The following DENND1B variants were observed in gnomAD, a reference collection of about 807,000 sequenced individuals.
DENND1B encodes DENN domain-containing protein 1B.
In DENND1B, 59 loss-of-function variants were observed where a neutral mutation model predicts 90.1. The observed-to-expected ratio is 0.65, with a 90% CI of 0.53 to 0.81. The LOEUF (loss-of-function observed/expected upper bound fraction) is 0.81. DENND1B is among the 40% of genes least tolerant of loss of function. The probability of loss-of-function intolerance (pLI) is 0.00; values close to 1 mark genes in which losing one functional copy is unlikely to be tolerated. For missense variants in DENND1B, 862 were observed against 912.6 expected (o/e 0.94, Z 0.71); for synonymous variants, 337 against 324.6 (o/e 1.04, Z -0.41).
intron 16 of DENND1B, among the ~76,000 whole-genome samples, chr1:197,550,635 G>C (rs1417919282): frequency 6.8e-6 from 1 of 146,168 alleles, no homozygotes; most frequent in Non-Finnish European, 1.5e-5. Context: ...ACACAGGAAG[G>C]GGAACATCAC....
At chr1:197,650,814 T>A (rs1181741365) in intron 7 of DENND1B, among the ~76,000 whole-genome samples, 1 of 152,102 alleles carries the variant, frequency 6.6e-6, no homozygotes, top group Non-Finnish European at 1.5e-5. Context: ...GGAGCTAAGC[T>A]ATGAGGACGC....
chr1:197,552,395 C>T, intron 16 of DENND1B: 1 of 985,406 alleles, frequency 1.0e-6, no homozygotes, highest in Non-Finnish European at 1.2e-6. Flanking sequence ...AGACTATACA[C>T]CACTACAATC....
chr1:197,520,550 A>G (rs555751371), intron 20 of DENND1B, among the ~76,000 whole-genome samples: 2 of 152,058 alleles, frequency 1.3e-5, no homozygotes, highest in East Asian at 3.9e-4. Flanking sequence ...CTGAGATCAA[A>G]TAAGAAGGTA....
In DENND1B at chr1:197,645,530, A is replaced by G. The variant is rs995283767; in HGVS notation, c.561+160T>C. 8.6e-5 allele frequency among the ~76,000 whole-genome samples: 13 copies of G among 152,012 alleles called. 1 individual carries two copies. Among genetic ancestry groups the G allele is most frequent in the Admixed American group, 7.9e-4 (12 of 15,264 alleles). ...AAGGGGCAGATATATAAAGAAGAAA[A>G]GAAAATAATATCTTTATTTCTTATT... On this transcript the variant is annotated intron_variant, in intron 9 of 22. Coordinates refer to ENST00000620048, the MANE Select transcript of DENND1B (RefSeq NM_001195215.2).
intron 14 of DENND1B, among the ~76,000 whole-genome samples, chr1:197,588,909 C>A (rs1331193576): frequency 6.6e-6 from 1 of 151,930 alleles, no homozygotes; most frequent in African/African-American, 2.4e-5. Context: ...TCAAAATATT[C>A]TATTTGTACA....
At chr1:197,583,096 T>A in intron 15 of DENND1B, 56 bp downstream of exon 15, 1 of 1,446,698 alleles carries the variant, frequency 6.9e-7, no homozygotes, top group Non-Finnish European at 9.7e-7. Flanking sequence ...GTAATACAAA[T>A]GTGTAAAACT....
chr1:197,672,182 A>G (rs1350418032), intron 4 of DENND1B, 26 bp from the exon 5 acceptor site: 3 of 1,569,310 alleles, frequency 1.9e-6, no homozygotes, highest in Admixed American at 1.9e-5. Flanking sequence ...ATTAGGAAAC[A>G]TTGTGCCTTG....
At chr1:197,624,816 G>A (rs1256446897) in intron 10 of DENND1B, among the ~76,000 whole-genome samples, 1 of 151,736 alleles carries the variant, frequency 6.6e-6, no homozygotes. Context: ...ACAGAGAAGT[G>A]CTTAAAGGAG....
chr1:197,696,880 A>T (rs1185299050), intron 3 of DENND1B, among the ~76,000 whole-genome samples: 1 of 150,350 alleles, frequency 6.7e-6, no homozygotes, highest in Non-Finnish European at 1.5e-5. Context: ...AGCCTAGGAG[A>T]GACAGAGACA....
At chr1:197,648,931 T>A (rs1028355925) in intron 7 of DENND1B, among the ~76,000 whole-genome samples, 1 of 152,216 alleles carries the variant, frequency 6.6e-6, no homozygotes, top group Non-Finnish European at 1.5e-5. Flanking sequence ...TATCCTTAGT[T>A]TTTTATCACC....
chr1:197,527,435 A>C (rs1375602775), intron 20 of DENND1B, among the ~76,000 whole-genome samples: 2 of 151,052 alleles, frequency 1.3e-5, no homozygotes, highest in Admixed American at 1.3e-4. Context: ...GGCATGCATC[A>C]CTATGCCTGG....
chr1:197,619,059 T>C (rs1031072306), intron 10 of DENND1B, among the ~76,000 whole-genome samples: 1 of 151,246 alleles, frequency 6.6e-6, no homozygotes, highest in African/African-American at 2.4e-5. Context: ...CCAGTCATGT[T>C]TTTAATCAGT....
At chr1:197,562,350 G>A (rs747919611) in intron 15 of DENND1B, among the ~76,000 whole-genome samples, 3 of 151,818 alleles carry the variant, frequency 2.0e-5, no homozygotes, top group African/African-American at 7.3e-5. Context: ...ACCCTCCATT[G>A]AGCAAATCTG....
chr1:197,528,067 T>G (rs1187086152), intron 20 of DENND1B, among the ~76,000 whole-genome samples: 1 of 152,222 alleles, frequency 6.6e-6, no homozygotes, highest in Admixed American at 6.5e-5. Flanking sequence ...AATACAATAC[T>G]ATAAACCACA....
chr1:197,548,850 T>C (rs1671010233), intron 16 of DENND1B, among the ~76,000 whole-genome samples: 1 of 152,102 alleles, frequency 6.6e-6, no homozygotes, highest in Admixed American at 6.6e-5. Context: ...TTTCATAGTA[T>C]AGGGGCAAAG....
upstream of DENND1B, among the ~76,000 whole-genome samples, chr1:197,777,223 G>C (rs538775598): frequency 2.6e-5 from 4 of 152,102 alleles, no homozygotes; most frequent in Non-Finnish European, 4.4e-5. Flanking sequence ...TGACCATATT[G>C]AGGACTTTTT....
intron 14 of DENND1B, among the ~76,000 whole-genome samples, chr1:197,587,004 C>A (rs968322636): frequency 1.3e-5 from 2 of 152,148 alleles, no homozygotes; most frequent in African/African-American, 4.8e-5. Flanking sequence ...ACGGCAACAA[C>A]AAGTACAGGG....
At chr1:197,547,380 A>T (rs1207429973) in intron 16 of DENND1B, among the ~76,000 whole-genome samples, 2 of 152,020 alleles carry the variant, frequency 1.3e-5, no homozygotes, top group Non-Finnish European at 2.9e-5. Flanking sequence ...AAGATGTATC[A>T]CCTTGCTCTT....
chr1:197,720,119 T>C (rs554864980), intron 2 of DENND1B, among the ~76,000 whole-genome samples: 1 of 152,232 alleles, frequency 6.6e-6, no homozygotes, highest in East Asian at 1.9e-4. Context: ...AAGTGTACTA[T>C]ATAAATACCT....
Sources: gnomAD v4.1 joint callset for allele counts (sites outside exome capture counted in the v4.1 genomes callset) on GRCh38, gnomAD v4.1.1 for gene constraint, MANE v1.5 for transcripts, NCBI Gene and HGNC (gene_info 2026-07-23, HGNC 2026-07-21) for gene names.